The following CPED1 variants were observed in gnomAD, a reference collection of about 807,000 sequenced individuals.
The protein encoded by CPED1 is cadherin-like and PC-esterase domain-containing protein 1.
In CPED1, 114 loss-of-function variants were observed where a neutral mutation model predicts 128.2. The ratio of observed to expected loss-of-function variants is 0.89; its 90% CI spans 0.76 to 1.04. CPED1 has a LOEUF of 1.04. CPED1 is among the 50% of genes least tolerant of loss of function. The pLI is 0.00. For missense variants in CPED1, 1,211 were observed against 1,207.1 expected, an observed-to-expected ratio of 1.00 and a Z score of -0.05; for synonymous variants, 462 against 426.7, an observed-to-expected ratio of 1.08 and a Z score of -1.02.
chr7:121,188,983 A>G (rs1311158694), intron 16 of CPED1, among the ~76,000 whole-genome samples: 1 of 152,110 alleles, frequency 6.6e-6, no homozygotes, highest in African/African-American at 2.4e-5. Flanking sequence ...GGCAACAGTA[A>G]CCTTGCTTCC....
At chr7:121,017,001 G>A (rs891589086) in intron 3 of CPED1, among the ~76,000 whole-genome samples, 2 of 152,172 alleles carry the variant, frequency 1.3e-5, no homozygotes, top group South Asian at 2.1e-4. Context: ...ATGAATGAAA[G>A]CAAGTTGGGA....
chr7:121,080,115 G>T lies in CPED1; in HGVS notation c.616+15802G>T, dbSNP rs568870393. 3.3e-5 allele frequency among the ~76,000 whole-genome samples: 5 copies of T among 152,142 alleles called. 1 individual carries two copies. The South Asian group carries it at 1.0e-3, about 32-fold the overall frequency. On this transcript the variant is annotated intron_variant, in intron 5 of 22. Coordinates refer to ENST00000310396, the MANE Select transcript of CPED1 (RefSeq NM_024913.5). ...ACATGAACTTCAAGCAATTGATATT[G>T]GATTTCTTTGCATTACATAATAAAC...
chr7:121,270,073 G>T (rs894042446), intron 21 of CPED1, among the ~76,000 whole-genome samples: 1 of 152,028 alleles, frequency 6.6e-6, no homozygotes, highest in African/African-American at 2.4e-5. Flanking sequence ...TTACTGTGGG[G>T]AGGGCACAGA....
chr7:121,295,412 T>A, intron 22 of CPED1, 28 bp from the exon 23 acceptor site: 1 of 1,590,106 alleles, frequency 6.3e-7, no homozygotes, highest in Non-Finnish European at 8.6e-7. Flanking sequence ...TGATTTTGCC[T>A]CACAGTTTTC....
intron 16 of CPED1, among the ~76,000 whole-genome samples, chr7:121,161,111 A>T (rs1295210334): frequency 6.6e-6 from 1 of 152,162 alleles, no homozygotes; most frequent in Non-Finnish European, 1.5e-5. Flanking sequence ...CAAATGTAGC[A>T]ACTTTTAAAA....
At position 121,114,515 on chromosome 7, in the gene CPED1, T is replaced by C. The variant is rs999000038; in HGVS notation, c.919-9816T>C. Among the ~76,000 whole-genome samples the C allele has an allele frequency of 2.6e-5, 4 of 152,302 alleles. No individual in the cohort carries two copies. In the South Asian group the frequency reaches 8.3e-4, roughly 32 times the overall value. The stretch of plus-strand genomic sequence containing the variant: ...TTATAACATCATCAATATAGGACAA[T>C]TGAGTTAAAACATTTCAGATGAATT... On this transcript the variant is annotated intron_variant, in intron 7 of 22. Coordinates refer to ENST00000310396, the MANE Select transcript of CPED1 (RefSeq NM_024913.5).
chr7:121,133,019 A>G (rs1469485944), intron 12 of CPED1, among the ~76,000 whole-genome samples: 1 of 152,084 alleles, frequency 6.6e-6, no homozygotes, highest in African/African-American at 2.4e-5. Flanking sequence ...TATCTGGGAC[A>G]ATACATATTT....
At chr7:121,267,389 A>G (rs912787439) in intron 21 of CPED1, 87 bp downstream of exon 21, 2 of 625,884 alleles carry the variant, frequency 3.2e-6, no homozygotes, top group African/African-American at 3.8e-5. Flanking sequence ...ACTATATAAT[A>G]TTGAGCAACC....
At chr7:121,122,387 C>T (rs1049849716) in intron 7 of CPED1, among the ~76,000 whole-genome samples, 4 of 152,078 alleles carry the variant, frequency 2.6e-5, no homozygotes, top group African/African-American at 4.8e-5. Flanking sequence ...GTGATCCACC[C>T]GCCTTGGCCT....
intron 4 of CPED1, among the ~76,000 whole-genome samples, chr7:121,062,105 C>G (rs1793686541): frequency 6.6e-6 from 1 of 152,150 alleles, no homozygotes; most frequent in Non-Finnish European, 1.5e-5. Context: ...ACAATTGTTT[C>G]CCTTGGCTTG....
At chr7:121,070,401 C>T (rs1470815526) in intron 5 of CPED1, among the ~76,000 whole-genome samples, 1 of 151,824 alleles carries the variant, frequency 6.6e-6, no homozygotes, top group Non-Finnish European at 1.5e-5. Context: ...TTCTGTCATT[C>T]CAAAGAATCT....
At chr7:121,160,091 C>T (rs1362153511) in intron 16 of CPED1, among the ~76,000 whole-genome samples, 1 of 134,336 alleles carries the variant, frequency 7.4e-6, no homozygotes, top group South Asian at 2.6e-4. Context: ...ACTTTACATC[C>T]AGATTCACCA....
At chr7:121,269,731 T>G (rs1171551182) in intron 21 of CPED1, among the ~76,000 whole-genome samples, 1 of 152,140 alleles carries the variant, frequency 6.6e-6, no homozygotes, top group African/African-American at 2.4e-5. Context: ...TTGATATGCA[T>G]TTCTCTGATG....
intron 7 of CPED1, among the ~76,000 whole-genome samples, chr7:121,113,780 A>G (rs746292470): frequency 2.6e-5 from 4 of 152,030 alleles, no homozygotes; most frequent in Non-Finnish European, 4.4e-5. Context: ...AAGTGACACT[A>G]CTGTCATTTT....
chr7:121,090,060 T>C (rs1377840654), intron 5 of CPED1, among the ~76,000 whole-genome samples: 14 of 152,222 alleles, frequency 9.2e-5, no homozygotes, highest in Admixed American at 9.2e-4. Flanking sequence ...AAGGTTCTTA[T>C]GTGGTCATGG....
At chr7:121,186,038 A>G (rs1796994634) in intron 16 of CPED1, among the ~76,000 whole-genome samples, 1 of 152,152 alleles carries the variant, frequency 6.6e-6, no homozygotes, top group Non-Finnish European at 1.5e-5. Flanking sequence ...ATTTTTTTCC[A>G]CTGGCTATTC....
intron 22 of CPED1, among the ~76,000 whole-genome samples, chr7:121,275,682 C>T (rs897882853): frequency 3.9e-5 from 6 of 152,190 alleles, no homozygotes; most frequent in South Asian, 2.1e-4. Context: ...ATCAAACTAC[C>T]ACTAATACCA....
chr7:121,009,372 G>A (rs1792103036), intron 2 of CPED1, among the ~76,000 whole-genome samples: 1 of 152,104 alleles, frequency 6.6e-6, no homozygotes, highest in South Asian at 2.1e-4. Flanking sequence ...GAGAGGCTGA[G>A]GCAGATGGAC....
At chr7:121,250,055 G>A (rs1225548951) in intron 18 of CPED1, among the ~76,000 whole-genome samples, 3 of 152,052 alleles carry the variant, frequency 2.0e-5, no homozygotes, top group African/African-American at 7.2e-5. Flanking sequence ...TTCCAAAATT[G>A]ACCACATAGT....
Sources: gnomAD v4.1 joint callset for allele counts (sites outside exome capture counted in the v4.1 genomes callset) on GRCh38, gnomAD v4.1.1 for gene constraint, MANE v1.5 for transcripts, NCBI Gene and HGNC (gene_info 2026-07-23, HGNC 2026-07-21) for gene names.